Variants in PCDHA9 observed in about 807,000 individuals in gnomAD.
PCDHA9 encodes protocadherin alpha-9.
Under a neutral mutation model 62.0 loss-of-function variants are expected in PCDHA9, and 62 were observed. The observed-to-expected ratio is 1.00, with a 90% CI of 0.81 to 1.23. PCDHA9 has a LOEUF of 1.23. Ranked by LOEUF, PCDHA9 falls within the 50% of genes most tolerant of loss-of-function variation. The probability of loss-of-function intolerance (pLI) is 0.00; values close to 1 mark genes in which losing one functional copy is unlikely to be tolerated. For synonymous variants in PCDHA9, 557 were observed against 567.6 expected, an observed-to-expected ratio of 0.98 and a Z score of 0.27; for missense variants, 1,205 against 1,249.8, an observed-to-expected ratio of 0.96 and a Z score of 0.54.
chr5:140,926,885 GAGGGA>G (rs782449015), intron 1 of PCDHA9: 1 of 1,543,482 alleles, frequency 6.5e-7, no homozygotes, highest in Non-Finnish European at 8.7e-7. Context: ...TGGACGCCTA[GAGGGA>G]GGATGGTGGG....
intron 1 of PCDHA9, among the ~76,000 whole-genome samples, chr5:140,904,631 G>A (rs150616068): frequency 0.029 from 4,338 of 152,074 alleles, 82 homozygotes; most frequent in Non-Finnish European, 0.044. Flanking sequence ...GTTCTTTAAG[G>A]AATCTCCACA....
At chr5:140,860,638 CGAA>C (rs2046489260) in intron 1 of PCDHA9, 1 of 152,104 alleles carries the variant, frequency 6.6e-6, no homozygotes, top group African/African-American at 2.4e-5. Context: ...GAATCAGGAA[CGAA>C]GAAGATAAGT....
chr5:140,937,911 CAA>C (rs200797202), intron 1 of PCDHA9, among the ~76,000 whole-genome samples: 76 of 117,920 alleles, frequency 6.4e-4, no homozygotes, highest in Admixed American at 7.8e-4. Context: ...GACTCCGTCT[CAA>C]AAAAAAAAAA....
chr5:140,917,449 C>G (rs1290889939), intron 1 of PCDHA9, among the ~76,000 whole-genome samples: 1 of 152,006 alleles, frequency 6.6e-6, no homozygotes, highest in Admixed American at 6.6e-5. Context: ...GCTGCAAGAG[C>G]GTTTGGCATC....
intron 1 of PCDHA9, among the ~76,000 whole-genome samples, chr5:140,891,237 T>C (rs2063002731): frequency 6.6e-6 from 1 of 152,210 alleles, no homozygotes; most frequent in South Asian, 2.1e-4. Flanking sequence ...CTGTTCTGGA[T>C]TCAGTAGGAT....
intron 1 of PCDHA9, among the ~76,000 whole-genome samples, chr5:140,955,756 A>G (rs987029779): frequency 2.6e-5 from 4 of 152,182 alleles, no homozygotes; most frequent in African/African-American, 9.7e-5. Flanking sequence ...TATTGCCATA[A>G]CACTGATTCT....
In PCDHA9 at chr5:140,876,309, T is replaced by G. The variant is rs868927753; in HGVS notation, c.2394+25420T>G. On this transcript the variant is annotated intron_variant, in intron 1 of 3. Transcript: ENST00000532602. ...AAGGACTTAATGGAGAAATTTCCTATGGGATCAAAATGATTTTGCCAGTGA... is the reference window on the plus strand; with the variant it reads ...AAGGACTTAATGGAGAAATTTCCTAGGGGATCAAAATGATTTTGCCAGTGA... The G allele has an allele frequency of 6.2e-6, 10 of 1,614,064 alleles. No homozygotes were observed. The Admixed American group carries it at 1.7e-4, about 27-fold the overall frequency.
chr5:140,946,791 T>C (rs1019495660), intron 1 of PCDHA9, among the ~76,000 whole-genome samples: 4 of 151,326 alleles, frequency 2.6e-5, no homozygotes, highest in Non-Finnish European at 4.4e-5. Flanking sequence ...GCTGATCTTA[T>C]AGAAGCAGAG....
intron 3 of PCDHA9, among the ~76,000 whole-genome samples, chr5:140,998,010 C>A (rs2097793505): frequency 6.6e-6 from 1 of 152,096 alleles, no homozygotes; most frequent in Admixed American, 6.6e-5. Flanking sequence ...GCCTTCCATC[C>A]CCACCTCGAG....
chr5:140,995,180 A>C (rs1014057978), intron 3 of PCDHA9, among the ~76,000 whole-genome samples: 4 of 152,190 alleles, frequency 2.6e-5, no homozygotes, highest in African/African-American at 9.7e-5. Context: ...AGGTGCACCT[A>C]TGATAAAGTT....
chr5:140,961,236 T>G (rs246004), intron 1 of PCDHA9, among the ~76,000 whole-genome samples: 1 of 151,942 alleles, frequency 6.6e-6, no homozygotes, highest in African/African-American at 2.4e-5. Context: ...AAAAAGGTGA[T>G]GGAATTTATC....
chr5:140,903,550 C>T lies in PCDHA9; in HGVS notation c.2394+52661C>T, dbSNP rs139225982. 2.6e-3 allele frequency among the ~76,000 whole-genome samples: 396 copies of T among 152,250 alleles called. 2 individuals carry two copies. The highest frequency in any genetic ancestry group is 9.3e-3 in the African/African-American group (385 of 41,564). The stretch of plus-strand genomic sequence containing the variant: ...CTTTAAACTAGAGCAAGAAACTTTT[C>T]TAATAAGTGGAATTGGGAGCTGTCT... On this transcript the variant is annotated intron_variant, in intron 1 of 3. Transcript: ENST00000532602.
intron 1 of PCDHA9, among the ~76,000 whole-genome samples, chr5:140,956,602 G>T (rs541025327): frequency 2.6e-5 from 4 of 152,212 alleles, no homozygotes. Flanking sequence ...GATATCAGCT[G>T]GAAGTTTTCC....
chr5:140,946,327 G>C (rs2093929992), intron 1 of PCDHA9, among the ~76,000 whole-genome samples: 2 of 151,720 alleles, frequency 1.3e-5, no homozygotes, highest in Non-Finnish European at 3.0e-5. Flanking sequence ...AAAGAGGAAA[G>C]ATAACAAGTG....
chr5:141,002,336 C>A (rs1236741058), intron 3 of PCDHA9, among the ~76,000 whole-genome samples: 3 of 152,084 alleles, frequency 2.0e-5, no homozygotes, highest in Non-Finnish European at 2.9e-5. Flanking sequence ...TGCATCCGCA[C>A]CCCTTCCCCC....
intron 1 of PCDHA9, chr5:140,967,680 GGCAGCTCTTCA>G: frequency 6.2e-7 from 1 of 1,614,228 alleles, no homozygotes; most frequent in East Asian, 2.2e-5. Flanking sequence ...GACCGGGAGA[GGCAGCTCTTCA>G]GCATAGATGC....
chr5:140,894,239 A>C (rs1323710769), intron 1 of PCDHA9, among the ~76,000 whole-genome samples: 11 of 152,028 alleles, frequency 7.2e-5, no homozygotes, highest in African/African-American at 2.2e-4. Flanking sequence ...ATGACAATGT[A>C]ATTTTCTTTT....
chr5:140,927,275 A>G, intron 1 of PCDHA9: 1 of 1,614,124 alleles, frequency 6.2e-7, no homozygotes, highest in Non-Finnish European at 8.5e-7. Flanking sequence ...CCTGCCGGCG[A>G]CGTGCAGCTG....
chr5:140,877,350 G>A (rs376513441), intron 1 of PCDHA9: 2 of 1,613,896 alleles, frequency 1.2e-6, no homozygotes, highest in African/African-American at 1.3e-5. Flanking sequence ...ACGTGGGGCT[G>A]TACACTGGCG....
Sources: allele counts gnomAD v4.1 joint callset (sites outside exome capture counted in the v4.1 genomes callset), GRCh38; gene constraint gnomAD v4.1.1; transcripts MANE v1.5; gene names NCBI Gene and HGNC (gene_info 2026-07-23, HGNC 2026-07-21).